Variants in PLB1 observed in about 807,000 individuals in gnomAD.
PLB1 encodes the protein phospholipase B1, also known as phospholipase B1, membrane-associated.
PLB1 carries 242 observed loss-of-function variants against 227.4 expected under a neutral mutation model. The observed-to-expected ratio is 1.06, with a 90% CI of 0.96 to 1.18. The LOEUF (loss-of-function observed/expected upper bound fraction) is 1.18. PLB1 is among the 50% of genes most tolerant of loss of function. PLB1 has a pLI of 0.00. For synonymous variants in PLB1, 757 were observed against 682.2 expected, an observed-to-expected ratio of 1.11 and a Z score of -1.71; for missense variants, 1,858 against 1,816.3, an observed-to-expected ratio of 1.02 and a Z score of -0.42.
chr2:28,585,368 C>T (rs904642345), intron 25 of PLB1, among the ~76,000 whole-genome samples: 9 of 152,064 alleles, frequency 5.9e-5, no homozygotes, highest in African/African-American at 9.7e-5. Context: ...CTCCGCCTCC[C>T]GGGTTCAAGC....
intron 23 of PLB1, 120 bp from the exon 24 acceptor site, chr2:28,581,948 G>A (rs1390197113): frequency 3.4e-6 from 3 of 873,600 alleles, no homozygotes; most frequent in East Asian, 2.8e-5. Flanking sequence ...GAGACAGAGT[G>A]AGATCCTATC....
chr2:28,505,780 T>C (rs571268467), intron 1 of PLB1, among the ~76,000 whole-genome samples: 31 of 152,348 alleles, frequency 2.0e-4, no homozygotes, highest in Admixed American at 2.0e-3. Context: ...ATTTGAGAAC[T>C]TTTGGTGGCC....
intron 57 of PLB1, among the ~76,000 whole-genome samples, chr2:28,641,549 A>T (rs569382953): frequency 6.6e-6 from 1 of 152,320 alleles, no homozygotes; most frequent in South Asian, 2.1e-4. Flanking sequence ...CAGAGGTTGC[A>T]GTGAGCTGAG....
chr2:28,524,009 C>T (rs1355318374), intron 4 of PLB1, among the ~76,000 whole-genome samples: 1 of 152,220 alleles, frequency 6.6e-6, no homozygotes, highest in Non-Finnish European at 1.5e-5. Context: ...TCTCCTGTCT[C>T]TTATTGAGGA....
chr2:28,617,287 G>A (rs902791074), intron 44 of PLB1, among the ~76,000 whole-genome samples: 1 of 152,100 alleles, frequency 6.6e-6, no homozygotes, highest in Non-Finnish European at 1.5e-5. Flanking sequence ...TATTGTCTAG[G>A]TTCTACCATT....
At chr2:28,606,188 AC>A (rs1684650394) in intron 42 of PLB1, among the ~76,000 whole-genome samples, 1 of 152,144 alleles carries the variant, frequency 6.6e-6, no homozygotes, top group Non-Finnish European at 1.5e-5. Flanking sequence ...CAAGCCCAAA[AC>A]CCCATATTCA....
chr2:28,641,040 C>T lies in PLB1; in HGVS notation c.4173+39C>T, dbSNP rs770968261. 8 of 1,592,254 alleles carry T rather than the reference C, an allele frequency of 5.0e-6. No individual in the cohort carries two copies. In the South Asian group the frequency reaches 9.0e-5, roughly 18 times the overall value. On this transcript the variant is annotated intron_variant, in intron 57 of 57. Coordinates refer to ENST00000327757, the MANE Select transcript of PLB1 (RefSeq NM_153021.5). The stretch of plus-strand genomic sequence containing the variant: ...CTGCCTGCCCCAGGTGGAACAGATG[C>T]CTGGGGTGGGGGTTGTCCTGTCCCC...
intron 31 of PLB1, 48 bp from the exon 32 acceptor site, chr2:28,592,613 C>T (rs1553446267): frequency 6.3e-7 from 1 of 1,576,876 alleles, no homozygotes; most frequent in Non-Finnish European, 8.7e-7. Flanking sequence ...TAGAGTGTGA[C>T]TGTGGCTTCC....
intron 17 of PLB1, among the ~76,000 whole-genome samples, chr2:28,555,215 T>C (rs1023972608): frequency 1.3e-5 from 2 of 149,992 alleles, no homozygotes; most frequent in African/African-American, 2.5e-5. Context: ...GATTTCCGCT[T>C]ACTGCAACCT....
chr2:28,514,655 A>G (rs926756107), intron 1 of PLB1, among the ~76,000 whole-genome samples: 1 of 152,120 alleles, frequency 6.6e-6, no homozygotes, highest in Non-Finnish European at 1.5e-5. Context: ...TGGTGAGTAA[A>G]ATCTAAAATA....
rs187016574 is a variant in PLB1, at chr2:28,545,814, G to C, written c.936+2546G>C. 4.7e-3 allele frequency among the ~76,000 whole-genome samples: 710 copies of C among 151,218 alleles called. 4 individuals carry two copies. The highest frequency in any genetic ancestry group is 0.016 in the African/African-American group (666 of 40,576). On this transcript the variant is annotated intron_variant, in intron 14 of 57. Transcript: ENST00000327757. ...CTGTGTCTACCCTCGCAGACACACAGAGCCCAGGTGAGGGCTGCCCTCTGT... is the reference window on the plus strand; with the variant it reads ...CTGTGTCTACCCTCGCAGACACACACAGCCCAGGTGAGGGCTGCCCTCTGT...
intron 56 of PLB1, among the ~76,000 whole-genome samples, chr2:28,638,827 G>GAAAAA (rs35972276): frequency 1.6e-5 from 1 of 63,606 alleles, no homozygotes; most frequent in African/African-American, 6.4e-5. Context: ...GCTGGAGATT[G>GAAAAA]AAAAAAAAAA....
At position 28,532,177 on chromosome 2, in the gene PLB1, T is replaced by C; in HGVS notation, c.538T>C (p.Cys180Arg). 1 of 1,612,528 alleles carries C rather than the reference T, an allele frequency of 6.2e-7. No individual in the cohort carries two copies. Among genetic ancestry groups the C allele is most frequent in the South Asian group, 1.1e-5 (1 of 90,734 alleles). Residue 180 changes from cysteine to arginine, a missense_variant, in exon 9 of 58, where the codon TGC becomes CGC. Coordinates refer to ENST00000327757, the MANE Select transcript of PLB1 (RefSeq NM_153021.5). ...CAGTAATGCAAGCCAGTGTTACCTG[T>C]GCCCCTCTGCTCAACAGGTAAATGG... The part of the protein sequence containing the change: ...FFSNASQCYL[C>R]PSAQQNGLAA...
chr2:28,634,501 C>T (rs987521582), intron 56 of PLB1, among the ~76,000 whole-genome samples: 12 of 152,158 alleles, frequency 7.9e-5, no homozygotes, highest in African/African-American at 2.7e-4. Flanking sequence ...TACCAGGTGG[C>T]ACTCCAAGTC....
At chr2:28,616,591 T>C (rs1686229127) in intron 44 of PLB1, among the ~76,000 whole-genome samples, 1 of 152,234 alleles carries the variant, frequency 6.6e-6, no homozygotes, top group South Asian at 2.1e-4. Flanking sequence ...TTAATCTACA[T>C]GGAATATGCT....
rs1336633801 is a variant in PLB1 at position 28,551,638 on chromosome 2, G to T, written c.1084-1290G>T. Among the ~76,000 whole-genome samples the T allele has an allele frequency of 2.6e-5, 4 of 152,166 alleles. No homozygotes were observed. The East Asian group carries it at 7.7e-4, about 29-fold the overall frequency. ...CAGTGAGGTAAAGTAACCAGCTCTGGGTTCAGATGCAGACTCTTTCACTTA... is the reference window on the plus strand; with the variant it reads ...CAGTGAGGTAAAGTAACCAGCTCTGTGTTCAGATGCAGACTCTTTCACTTA... On this transcript the variant is annotated intron_variant, in intron 16 of 57. Coordinates refer to ENST00000327757, the MANE Select transcript of PLB1 (RefSeq NM_153021.5).
At chr2:28,635,459 A>C (rs1352034745) in intron 56 of PLB1, among the ~76,000 whole-genome samples, 12 of 151,678 alleles carry the variant, frequency 7.9e-5, no homozygotes, top group African/African-American at 2.9e-4. Context: ...ATTACAGACC[A>C]GGTTTTTCTA....
chr2:28,500,447 C>G (rs774598168), intron 1 of PLB1, among the ~76,000 whole-genome samples: 2 of 152,118 alleles, frequency 1.3e-5, no homozygotes, highest in Non-Finnish European at 2.9e-5. Flanking sequence ...TGTGATTACC[C>G]TTTTTCCCAG....
chr2:28,615,256 A>G (rs1686029119), intron 44 of PLB1, among the ~76,000 whole-genome samples: 1 of 152,048 alleles, frequency 6.6e-6, no homozygotes, highest in Non-Finnish European at 1.5e-5. Context: ...GAGTGGGGGA[A>G]ATGAGATCAG....
Sources: gnomAD v4.1 joint callset for allele counts (sites outside exome capture counted in the v4.1 genomes callset) on GRCh38, gnomAD v4.1.1 for gene constraint, MANE v1.5 for transcripts, NCBI Gene and HGNC (gene_info 2026-07-23, HGNC 2026-07-21) for gene names.